The following DLGAP1 variants were observed in gnomAD, a reference collection of about 807,000 sequenced individuals.
DLGAP1 encodes DLG associated protein 1.
A neutral mutation model predicts 90.8 loss-of-function variants in DLGAP1; 11 were observed. The ratio of observed to expected loss-of-function variants is 0.12; its 90% CI spans 0.08 to 0.20. The LOEUF (loss-of-function observed/expected upper bound fraction) is 0.20, where lower values mean the gene tolerates loss of function less well. Among genes scored for constraint, DLGAP1 ranks in the 10% least tolerant of loss-of-function variants. The pLI, the probability that DLGAP1 is intolerant of heterozygous loss-of-function variation, is 1.00. For synonymous variants in DLGAP1, 558 were observed against 540.7 expected, an observed-to-expected ratio of 1.03 and a Z score of -0.44; for missense variants, 1,050 against 1,333.8, an observed-to-expected ratio of 0.79 and a Z score of 3.31.
At chr18:4,320,874 T>C (rs2080669715) in intron 1 of DLGAP1, among the ~76,000 whole-genome samples, 1 of 152,228 alleles carries the variant, frequency 6.6e-6, no homozygotes, top group African/African-American at 2.4e-5. Flanking sequence ...CTAGTATTTA[T>C]TGTGTATTGT....
At chr18:4,170,902 A>T (rs1356300936) in intron 1 of DLGAP1, among the ~76,000 whole-genome samples, 1 of 152,146 alleles carries the variant, frequency 6.6e-6, no homozygotes, top group Non-Finnish European at 1.5e-5. Context: ...CTGGGAGAGG[A>T]GGACCAGCTT....
At chr18:4,021,065 C>G (rs1049004473) in intron 2 of DLGAP1, among the ~76,000 whole-genome samples, 12 of 152,190 alleles carry the variant, frequency 7.9e-5, no homozygotes. Flanking sequence ...CAGCACTCCC[C>G]ACTTCCTGAG....
intron 3 of DLGAP1, among the ~76,000 whole-genome samples, chr18:3,977,434 G>GGTTTT (rs767760816): frequency 5.3e-4 from 51 of 95,338 alleles, no homozygotes; most frequent in African/African-American, 1.5e-3. Context: ...TTTATTCTGT[G>GGTTTT]TTTTTTTTTT....
At chr18:3,637,574 CAAA>C (rs35620201) in intron 7 of DLGAP1, among the ~76,000 whole-genome samples, 6,004 of 94,926 alleles carry the variant, frequency 0.063, 512 homozygotes, top group African/African-American at 0.22. Flanking sequence ...TCTCCCCCAC[CAAA>C]AAAAAAAAAA....
intron 1 of DLGAP1, among the ~76,000 whole-genome samples, chr18:4,154,377 T>G (rs966570411): frequency 3.3e-5 from 5 of 152,006 alleles, no homozygotes; most frequent in Non-Finnish European, 7.4e-5. Context: ...TTTAAATTAA[T>G]TTTTTTGGCT....
At position 3,616,732 on chromosome 18, in the gene DLGAP1, C is replaced by T. The variant is rs115707723; in HGVS notation, c.1592-34484G>A. Among the ~76,000 whole-genome samples, 329 of 151,686 alleles carry T rather than the reference C, an allele frequency of 2.2e-3. 2 individuals carry two copies. The highest frequency in any genetic ancestry group is 7.6e-3 in the African/African-American group (315 of 41,306). ...ATTGTGCCACTTAAACCACCCTAGG[C>T]GGCAGAGGGAGACCCTGTCTCAAAA... On this transcript the variant is annotated intron_variant, in intron 7 of 12. Coordinates refer to ENST00000315677, the MANE Select transcript of DLGAP1 (RefSeq NM_004746.4).
intron 5 of DLGAP1, among the ~76,000 whole-genome samples, chr18:3,751,019 TTAA>T (rs1326539086): frequency 3.9e-5 from 6 of 152,222 alleles, no homozygotes; most frequent in Admixed American, 1.3e-4. Flanking sequence ...GTTGTAATTA[TTAA>T]TATTTGGTTA....
At chr18:3,515,543 C>A (rs1252842268) in intron 10 of DLGAP1, among the ~76,000 whole-genome samples, 1 of 151,160 alleles carries the variant, frequency 6.6e-6, no homozygotes, top group Non-Finnish European at 1.5e-5. Flanking sequence ...CTTTGGGAGG[C>A]CAAGATAGGA....
chr18:3,501,096 G>A (rs1308990673), intron 12 of DLGAP1, among the ~76,000 whole-genome samples: 5 of 151,780 alleles, frequency 3.3e-5, no homozygotes, highest in Non-Finnish European at 7.4e-5. Context: ...TGTACTTTTT[G>A]TAGAGACGGC....
intron 3 of DLGAP1, among the ~76,000 whole-genome samples, chr18:4,000,124 A>G (rs1015955499): frequency 2.6e-5 from 4 of 152,112 alleles, no homozygotes; most frequent in African/African-American, 7.2e-5. Context: ...CTCTTTTTGT[A>G]TTTAGAAATG....
At position 4,137,752 on chromosome 18, in the gene DLGAP1, C is replaced by T. The variant is rs538905896; in HGVS notation, c.-159+13428G>A. ...ATTTTAATAATGTTGATTCTTCCATCCTATGAACATGGAATATTCTTGCAT... is the reference window on the plus strand; with the variant it reads ...ATTTTAATAATGTTGATTCTTCCATTCTATGAACATGGAATATTCTTGCAT... On this transcript the variant is annotated intron_variant, in intron 2 of 12. Coordinates refer to ENST00000315677, the MANE Select transcript of DLGAP1 (RefSeq NM_004746.4). 1.8e-4 allele frequency among the ~76,000 whole-genome samples: 27 copies of T among 152,170 alleles called. No individual in the cohort carries two copies. In the South Asian group the frequency reaches 2.9e-3, roughly 16 times the overall value.
chr18:3,637,959 T>C (rs1037789294), intron 7 of DLGAP1, among the ~76,000 whole-genome samples: 4 of 147,686 alleles, frequency 2.7e-5, no homozygotes, highest in African/African-American at 1.0e-4. Context: ...TTTTTTTTTT[T>C]TTTTTGAGAC....
chr18:3,790,950 C>A (rs1292599038), intron 5 of DLGAP1, among the ~76,000 whole-genome samples: 1 of 152,178 alleles, frequency 6.6e-6, no homozygotes, highest in Non-Finnish European at 1.5e-5. Context: ...CAGGCACAGA[C>A]AAACATGGAG....
intron 1 of DLGAP1, among the ~76,000 whole-genome samples, chr18:4,349,244 T>G (rs1179830921): frequency 6.6e-6 from 1 of 152,144 alleles, no homozygotes; most frequent in Admixed American, 6.5e-5. Context: ...AAACCTGAAT[T>G]TAATCATGAA....
intron 3 of DLGAP1, among the ~76,000 whole-genome samples, chr18:3,910,125 C>A (rs116398392): frequency 6.7e-6 from 1 of 149,632 alleles, no homozygotes; most frequent in Non-Finnish European, 1.5e-5. Flanking sequence ...TACCTGCTGT[C>A]GGCTATCTAG....
At chr18:4,404,051 G>A (rs780089516) in intron 1 of DLGAP1, among the ~76,000 whole-genome samples, 2 of 152,134 alleles carry the variant, frequency 1.3e-5, no homozygotes, top group African/African-American at 2.4e-5. Flanking sequence ...CAGGATCAGC[G>A]CCTGCAGAGA....
chr18:3,987,019 G>C (rs910108175), intron 3 of DLGAP1, among the ~76,000 whole-genome samples: 3 of 152,130 alleles, frequency 2.0e-5, no homozygotes, highest in African/African-American at 7.2e-5. Flanking sequence ...TTAATAACTT[G>C]ACTATCACCC....
chr18:3,511,079 G>A (rs2050513544), intron 10 of DLGAP1, among the ~76,000 whole-genome samples: 1 of 152,150 alleles, frequency 6.6e-6, no homozygotes. Flanking sequence ...CTGGCTCCAG[G>A]ATACTTGCAA....
At chr18:3,531,746 GT>G (rs1219508828) in intron 10 of DLGAP1, among the ~76,000 whole-genome samples, 2 of 152,090 alleles carry the variant, frequency 1.3e-5, no homozygotes, top group African/African-American at 4.8e-5. Flanking sequence ...GCCTCCCAAA[GT>G]GCTAGGATTA....
Sources: allele counts gnomAD v4.1 joint callset (sites outside exome capture counted in the v4.1 genomes callset), GRCh38; gene constraint gnomAD v4.1.1; transcripts MANE v1.5; gene names NCBI Gene and HGNC (gene_info 2026-07-23, HGNC 2026-07-21).